The following ZNF536 variants were observed in gnomAD, a reference collection of about 807,000 sequenced individuals.
ZNF536 encodes zinc finger protein 536.
ZNF536 carries 13 observed loss-of-function variants against 84.5 expected under a neutral mutation model. That is an observed-to-expected ratio of 0.15 (90% CI 0.10 to 0.24). The LOEUF (loss-of-function observed/expected upper bound fraction) is 0.24. ZNF536 is among the 10% of genes least tolerant of loss of function. The probability of loss-of-function intolerance (pLI) is 1.00; values close to 1 mark genes in which losing one functional copy is unlikely to be tolerated. For missense variants in ZNF536, 1,536 were observed against 1,747.5 expected (o/e 0.88, Z 2.16); for synonymous variants, 811 against 742.5 (o/e 1.09, Z -1.50).
chr19:30,445,155 G>A lies in ZNF536; in HGVS notation c.1593G>A (p.Met531Ile), dbSNP rs2148213587. 1 of 1,614,116 alleles carries A rather than the reference G, an allele frequency of 6.2e-7. No individual in the cohort carries two copies. The highest frequency in any genetic ancestry group is 8.5e-7 in the Non-Finnish European group (1 of 1,180,042). The part of the protein sequence containing the change: ...YQAWQLMARG[M>I]AMEHGFLSKE... The stretch of plus-strand genomic sequence containing the variant: ...CTTGGCAGCTCATGGCCAGGGGCAT[G>A]GCCATGGAACATGGCTTCTTGTCTA... The change falls in exon 2 of 5, where the codon ATG (methionine) becomes ATA (isoleucine). Residue 531 changes from methionine (M) to isoleucine (I), a missense_variant. This residue lies in a region of ZNF536 where 366 missense variants were observed against 364.4 expected (regional missense o/e 1.00). Coordinates refer to ENST00000355537, the MANE Select transcript of ZNF536 (RefSeq NM_014717.3). The surrounding 1 kb of genome is among the most constrained non-coding windows in gnomAD (Gnocchi z 4.5).
intron 1 of ZNF536, among the ~76,000 whole-genome samples, chr19:30,699,483 A>T (rs535040713): frequency 5.3e-5 from 8 of 152,294 alleles, no homozygotes; most frequent in African/African-American, 1.9e-4. Flanking sequence ...ACCTAAATTT[A>T]TTTGTACTAA....
intron 1 of ZNF536, among the ~76,000 whole-genome samples, chr19:30,237,185 C>T (rs2023592584): frequency 6.6e-6 from 1 of 152,088 alleles, no homozygotes; most frequent in Non-Finnish European, 1.5e-5. Context: ...GATAATATTG[C>T]TCAGATGAAA....
intron 2 of ZNF536, among the ~76,000 whole-genome samples, chr19:30,479,477 A>G (rs1178297426): frequency 6.6e-6 from 1 of 152,252 alleles, no homozygotes; most frequent in Admixed American, 6.5e-5. Context: ...GGAGACAGGA[A>G]TTGCTAGTTG....
At chr19:30,384,067 C>T (rs950154709) in intron 1 of ZNF536, among the ~76,000 whole-genome samples, 1 of 142,730 alleles carries the variant, frequency 7.0e-6, no homozygotes, top group African/African-American at 2.6e-5. Context: ...TACTCCTCCC[C>T]TTTATCCTCT....
intron 1 of ZNF536, among the ~76,000 whole-genome samples, chr19:30,689,088 C>T (rs970550166): frequency 6.6e-6 from 1 of 152,252 alleles, no homozygotes; most frequent in South Asian, 2.1e-4. Context: ...AGGCACTAGC[C>T]TGAGCCCCTT....
rs551941986 is a variant in ZNF536, at chr19:30,486,767, T to C, written c.2170+41035T>C. 2.0e-5 allele frequency among the ~76,000 whole-genome samples: 3 copies of C among 152,302 alleles called. No homozygotes were observed. In the East Asian group the frequency reaches 5.8e-4, roughly 29 times the overall value. On this transcript the variant is annotated intron_variant, in intron 2 of 4. Transcript: ENST00000355537. ...TCCACAGCCTTGACAGCATCTGTTG[T>C]TTCTTAACTTCTTACATGTATTTTC...
chr19:30,485,732 A>T (rs1444551069), intron 2 of ZNF536, among the ~76,000 whole-genome samples: 1 of 151,862 alleles, frequency 6.6e-6, no homozygotes, highest in African/African-American at 2.4e-5. Context: ...TGTTATAAGG[A>T]TTAATTACTG....
chr19:30,238,423 T>C (rs1168754523), intron 1 of ZNF536, among the ~76,000 whole-genome samples: 1 of 101,574 alleles, frequency 9.8e-6, no homozygotes, highest in African/African-American at 4.2e-5. Flanking sequence ...TAGTACCATG[T>C]ATCTAGGCCA....
rs1033661215 is a variant in ZNF536, at chr19:30,504,920, T to C, written c.2171-29927T>C. Among the ~76,000 whole-genome samples the C allele has an allele frequency of 6.6e-5, 10 of 152,182 alleles. No homozygotes were observed. In the East Asian group the frequency reaches 1.9e-3, roughly 29 times the overall value. ...GAGAAAGAAAAACAAATGGCCCATA[T>C]GCAGATGAAAATATTTTAACCTGAC... On this transcript the variant is annotated intron_variant, in intron 2 of 4. Transcript: ENST00000355537.
chr19:30,571,019 G>A lies in ZNF536; in HGVS notation c.169+21505G>A, dbSNP rs186476432. Among the ~76,000 whole-genome samples, 184 of 152,316 alleles carry A rather than the reference G, an allele frequency of 1.2e-3. 1 individual carries two copies. The highest frequency in any genetic ancestry group is 3.4e-3 in the Middle Eastern group (1 of 294). On this transcript the variant is annotated intron_variant, in intron 1 of 1. Transcript: ENST00000592773. ...TCAAAGGAAGATAAGTGGGCCTCAC[G>A]CAGGGCCTGTGGAGTGTCTAACTGG...
At chr19:30,633,897 T>C (rs988139903) in intron 1 of ZNF536, among the ~76,000 whole-genome samples, 1 of 152,126 alleles carries the variant, frequency 6.6e-6, no homozygotes, top group African/African-American at 2.4e-5. Flanking sequence ...AAACACCCCC[T>C]AAGGATCTTT....
At chr19:30,240,340 T>TCCAGCCTG (rs976205486) in intron 1 of ZNF536, among the ~76,000 whole-genome samples, 2 of 151,230 alleles carry the variant, frequency 1.3e-5, no homozygotes, top group African/African-American at 2.4e-5. Context: ...GTCACTACAC[T>TCCAGCCTG]CCAGCCTGGG....
chr19:30,631,271 C>T (rs767141826), intron 1 of ZNF536, among the ~76,000 whole-genome samples: 12 of 152,196 alleles, frequency 7.9e-5, no homozygotes, highest in Admixed American at 6.5e-5. Flanking sequence ...CACCCACACT[C>T]GCTTTTGTTA....
chr19:30,387,629 A>G (rs2049398118), intron 1 of ZNF536, among the ~76,000 whole-genome samples: 1 of 152,206 alleles, frequency 6.6e-6, no homozygotes, highest in African/African-American at 2.4e-5. Flanking sequence ...CACTTGAGAT[A>G]AGGTCAAATG....
At chr19:30,606,079 A>G (rs1023803456) in intron 1 of ZNF536, among the ~76,000 whole-genome samples, 1 of 151,684 alleles carries the variant, frequency 6.6e-6, no homozygotes, top group Admixed American at 6.6e-5. Flanking sequence ...GCTTGAGCCT[A>G]GGAGTTCAAG....
At position 30,566,184 on chromosome 19, in the gene ZNF536, G is replaced by A. The variant is rs900183634; in HGVS notation, c.169+16670G>A. Among the ~76,000 whole-genome samples, 4 of 152,182 alleles carry A rather than the reference G, an allele frequency of 2.6e-5. No individual in the cohort carries two copies. The East Asian group carries it at 7.7e-4, about 29-fold the overall frequency. ...CCTAACCCTGCCCCACACCCTGAGT[G>A]TCTATGAGGGGTCACCCAGAAATCA... is the stretch of plus-strand genomic sequence containing the variant. On this transcript the variant is annotated intron_variant, in intron 1 of 1. Transcript: ENST00000592773.
At position 30,532,880 on chromosome 19, in the gene ZNF536, C is replaced by G. The variant is rs563206196; in HGVS notation, c.2171-1967C>G. ...TGTCTGATGGTGACTTTGCAACACT[C>G]TCTTGTGTCCATTTGCCCTGATCAA... is the stretch of plus-strand genomic sequence containing the variant. On this transcript the variant is annotated intron_variant, in intron 2 of 4. Transcript: ENST00000355537. Among the ~76,000 whole-genome samples, 4 of 152,334 alleles carry G rather than the reference C, an allele frequency of 2.6e-5. No homozygotes were observed. In the South Asian group the frequency reaches 8.3e-4, roughly 32 times the overall value.
chr19:30,664,209 TCTCTCTCTCTCTCTC>T (rs2050228068), intron 1 of ZNF536, among the ~76,000 whole-genome samples: 1 of 6,262 alleles, frequency 1.6e-4, no homozygotes, highest in Non-Finnish European at 2.9e-4. Flanking sequence ...GAGTTTTCTC[TCTCTCTCTCTCTCTC>T]TCTCTCTCTC....
At chr19:30,486,165 T>A (rs893844215) in intron 2 of ZNF536, among the ~76,000 whole-genome samples, 2 of 152,218 alleles carry the variant, frequency 1.3e-5, no homozygotes. Flanking sequence ...GGTAAACATG[T>A]GCCATGGTGC....
Sources: allele counts gnomAD v4.1 joint callset (sites outside exome capture counted in the v4.1 genomes callset), GRCh38; gene constraint gnomAD v4.1.1; regional missense constraint gnomAD v4.1.1; non-coding constraint Gnocchi (gnomAD v3.1); transcripts MANE v1.5; gene names NCBI Gene and HGNC (gene_info 2026-07-23, HGNC 2026-07-21).